Variants in FNBP1 observed in about 807,000 individuals in gnomAD.
FNBP1 encodes the protein formin-binding protein 1.
In FNBP1, 26 loss-of-function variants were observed where a neutral mutation model predicts 90.6. That is an observed-to-expected ratio of 0.29 (90% CI 0.21 to 0.40). The LOEUF is 0.40. Among genes scored for constraint, FNBP1 ranks in the 10% least tolerant of loss-of-function variants. The pLI, the probability that FNBP1 is intolerant of heterozygous loss-of-function variation, is 1.00. For synonymous variants in FNBP1, 260 were observed against 265.2 expected, an observed-to-expected ratio of 0.98 and a Z score of 0.19; for missense variants, 635 against 768.0, an observed-to-expected ratio of 0.83 and a Z score of 2.05.
intron 10 of FNBP1, among the ~76,000 whole-genome samples, chr9:129,920,076 A>G (rs1055610118): frequency 6.6e-6 from 1 of 152,362 alleles, no homozygotes; most frequent in East Asian, 1.9e-4. Context: ...TGAGGGAAGC[A>G]AAACTATTTC....
Position 129,888,032 on chromosome 9 carries a change from G to GCAA in FNBP1, c.*2504_*2506dup. 1 of 232,824 alleles carries GCAA rather than the reference G, an allele frequency of 4.3e-6. No homozygotes were observed. The allele number at this position is 232,824 out of a possible 1,614,324, so 14.4% of individuals were successfully genotyped here. On this transcript the variant is annotated 3_prime_UTR_variant, in exon 17 of 17. Coordinates refer to ENST00000446176, the MANE Select transcript of FNBP1 (RefSeq NM_015033.3). ...TGGAGCCACGCAGACTGGCCCGGAA[G>GCAA]CAACACCCAGGTTCAACATTTAAGA... is the stretch of plus-strand genomic sequence containing the variant.
Position 129,929,693 on chromosome 9 carries a change from G to A in FNBP1, c.516C>T (p.Ala172=), listed in dbSNP as rs774983909. ...INVTKADVEK[A]RQQAQIRHQM... ...GGTGACGTATTTGAGCTTGTTGTCGGGCCTTAGGGCAAAAACAAGAATACT... is the reference window on the plus strand; with the variant it reads ...GGTGACGTATTTGAGCTTGTTGTCGAGCCTTAGGGCAAAAACAAGAATACT... The change falls in exon 7 of 17, where the codon GCC becomes GCT. Residue 172 remains alanine, a splice_region_variant and synonymous_variant. Coordinates refer to ENST00000446176, the MANE Select transcript of FNBP1 (RefSeq NM_015033.3). The A allele has an allele frequency of 1.9e-6, 3 of 1,613,860 alleles. No homozygotes were observed. Among genetic ancestry groups the A allele is most frequent in the Middle Eastern group, 1.6e-4 (1 of 6,062 alleles).
At chr9:130,022,898 G>A (rs1300648858) in intron 1 of FNBP1, among the ~76,000 whole-genome samples, 1 of 152,138 alleles carries the variant, frequency 6.6e-6, no homozygotes, top group East Asian at 1.9e-4. Context: ...TGTAATCCCA[G>A]CACTTCAGGA....
intron 6 of FNBP1, among the ~76,000 whole-genome samples, chr9:129,944,664 T>C (rs556668988): frequency 6.6e-6 from 1 of 151,960 alleles, no homozygotes; most frequent in South Asian, 2.1e-4. Context: ...TCAATTGCAG[T>C]TCAAAAATAG....
rs116206624 is a variant in FNBP1, at chr9:129,936,845, C to T, written c.514-7150G>A. On this transcript the variant is annotated intron_variant, in intron 6 of 16. Coordinates refer to ENST00000446176, the MANE Select transcript of FNBP1 (RefSeq NM_015033.3). ...GTTGGAAATCCCTGAAAATCCTATT[C>T]GTATTTCTCTAGGATTTGTCAATGG... 9.2e-3 allele frequency among the ~76,000 whole-genome samples: 1,401 copies of T among 152,194 alleles called. 21 individuals are homozygous for T. Among genetic ancestry groups the T allele is most frequent in the African/African-American group, 0.032 (1,326 of 41,532 alleles).
rs4837426 is a variant in FNBP1, at chr9:129,890,244, A to G, written c.*295T>C. The G allele has an allele frequency of 1, 498,276 of 498,728 alleles. 248,913 individuals are homozygous for G. Among genetic ancestry groups the G allele is most frequent in the East Asian group, 1 (30,088 of 30,088 alleles). The allele number at this position is 498,728 out of a possible 1,614,324, so 30.9% of individuals were successfully genotyped here. Reference sequence around the variant, plus strand: ...ACTGAGGGCCCAGGAAGGAGCAGGTAGGGGCGTGTGTCCCACCGTCTCAGT... The same window carrying G: ...ACTGAGGGCCCAGGAAGGAGCAGGTGGGGGCGTGTGTCCCACCGTCTCAGT... On this transcript the variant is annotated 3_prime_UTR_variant, in exon 17 of 17. Coordinates refer to ENST00000446176, the MANE Select transcript of FNBP1 (RefSeq NM_015033.3). The surrounding 1 kb of genome is among the most constrained non-coding windows in gnomAD (Gnocchi z 5.8).
chr9:130,011,951 C>T (rs1027901114), intron 1 of FNBP1, among the ~76,000 whole-genome samples: 1 of 151,976 alleles, frequency 6.6e-6, no homozygotes, highest in Admixed American at 6.6e-5. Context: ...ATAGCCAAAA[C>T]ACTCTTGAAG....
intron 1 of FNBP1, among the ~76,000 whole-genome samples, chr9:130,009,290 C>T (rs1379479808): frequency 6.6e-6 from 1 of 152,206 alleles, no homozygotes; most frequent in Non-Finnish European, 1.5e-5. Flanking sequence ...CTCAACCCCA[C>T]TGCCATAGTT....
intron 2 of FNBP1, among the ~76,000 whole-genome samples, chr9:129,988,023 G>GT (rs1177048850): frequency 6.6e-6 from 1 of 152,042 alleles, no homozygotes; most frequent in Non-Finnish European, 1.5e-5. Flanking sequence ...TGGCTCAAAT[G>GT]TATCAAAAGA....
chr9:130,021,765 C>A (rs2057851687), intron 1 of FNBP1, among the ~76,000 whole-genome samples: 1 of 152,174 alleles, frequency 6.6e-6, no homozygotes, highest in African/African-American at 2.4e-5. Flanking sequence ...TTGTTTTATA[C>A]AGCATTTGCA....
intron 6 of FNBP1, among the ~76,000 whole-genome samples, chr9:129,930,857 T>A (rs923475327): frequency 1.3e-5 from 2 of 152,182 alleles, no homozygotes; most frequent in African/African-American, 4.8e-5. Flanking sequence ...TCCTGCCAGA[T>A]GAAGATAGGG....
At position 129,966,235 on chromosome 9, in the gene FNBP1, A is replaced by G. The variant is rs1457372975; in HGVS notation, c.346-7682T>C. 6.6e-6 allele frequency among the ~76,000 whole-genome samples: 1 copy of G among 152,230 alleles called. No individual in the cohort carries two copies. Among genetic ancestry groups the G allele is most frequent in the Non-Finnish European group, 1.5e-5 (1 of 68,036 alleles). ...TTGCATAAAACGTGGGAGTGAACTT[A>G]CAAGGGTCTGAGGAATACCCTCCAA... On this transcript the variant is annotated intron_variant, in intron 4 of 16. Coordinates refer to ENST00000446176, the MANE Select transcript of FNBP1 (RefSeq NM_015033.3). This position sits in a 1 kb window ranked among gnomAD's most constrained non-coding sequence, Gnocchi z 4.3.
At chr9:129,947,353 T>C (rs1483273859) in intron 6 of FNBP1, among the ~76,000 whole-genome samples, 2 of 149,904 alleles carry the variant, frequency 1.3e-5, no homozygotes, top group Admixed American at 6.7e-5. Context: ...GAAAGGAGAA[T>C]TGCTTGAACC....
At chr9:130,020,786 G>A (rs899537460) in intron 1 of FNBP1, among the ~76,000 whole-genome samples, 18 of 152,084 alleles carry the variant, frequency 1.2e-4, no homozygotes, top group African/African-American at 4.1e-4. Context: ...GTTAACATTC[G>A]AGAACTTTGA....
intron 10 of FNBP1, chr9:129,919,385 T>A: frequency 2.8e-6 from 1 of 355,820 alleles, no homozygotes; most frequent in Non-Finnish European, 5.5e-6. Context: ...CTCTAAAATA[T>A]GAAAAACGTA....
chr9:129,900,003 G>A lies in FNBP1; in HGVS notation c.1649C>T (p.Pro550Leu). 1 of 1,613,052 alleles carries A rather than the reference G, an allele frequency of 6.2e-7. No individual in the cohort carries two copies. Among genetic ancestry groups the A allele is most frequent in the South Asian group, 1.1e-5 (1 of 90,910 alleles). Reference sequence around the variant, plus strand: ...GAGAGCTTTGCACGTCCCTATGGCAGGGAGGGGCTCCTCATCATCAAACTC... The same window carrying A: ...GAGAGCTTTGCACGTCCCTATGGCAAGGAGGGGCTCCTCATCATCAAACTC... The part of the protein sequence containing the change: ...DDEFDDEEPL[P>L]AIGTCKALYT... Residue 550 changes from proline (P) to leucine (L), a missense_variant, in exon 15 of 17, where the codon CCT becomes CTT. Pro to Leu is a moderately conservative substitution (Grantham distance 98). Coordinates refer to ENST00000446176, the MANE Select transcript of FNBP1 (RefSeq NM_015033.3). The surrounding 1 kb of genome is among the most constrained non-coding windows in gnomAD (Gnocchi z 4.1).
intron 2 of FNBP1, among the ~76,000 whole-genome samples, chr9:129,985,263 G>A (rs180972507): frequency 1.3e-5 from 2 of 150,950 alleles, no homozygotes; most frequent in South Asian, 2.1e-4. Context: ...GCACTGGTGC[G>A]GCTCACGTTA....
Position 129,979,302 on chromosome 9 carries a change from T to C in FNBP1, c.197+16A>G, listed in dbSNP as rs1326068829. ...GCATGTGTCTATTACAAGACAATTT[T>C]CAATGGTAAACATACTTGTATTCTT... On this transcript the variant is annotated intron_variant, in intron 3 of 16. Coordinates refer to ENST00000446176, the MANE Select transcript of FNBP1 (RefSeq NM_015033.3). 2 of 1,541,594 alleles carry C rather than the reference T, an allele frequency of 1.3e-6. No homozygotes were observed. Among genetic ancestry groups the C allele is most frequent in the Non-Finnish European group, 1.8e-6 (2 of 1,117,042 alleles).
In FNBP1 at chr9:130,031,701, G is replaced by A. The variant is rs758601407; in HGVS notation, c.24+11251C>T. ...TTTTGACAGGGAGTCTCGCTCTGTT[G>A]CCCAGGCTGGAGTGCAGTGGCACAA... On this transcript the variant is annotated intron_variant, in intron 1 of 16. Coordinates refer to ENST00000446176, the MANE Select transcript of FNBP1 (RefSeq NM_015033.3). The surrounding 1 kb of genome is among the most constrained non-coding windows in gnomAD (Gnocchi z 4.2). 2.0e-5 allele frequency among the ~76,000 whole-genome samples: 3 copies of A among 151,742 alleles called. No homozygotes were observed. Among genetic ancestry groups the A allele is most frequent in the Non-Finnish European group, 4.4e-5 (3 of 67,926 alleles).
Sources: gnomAD v4.1 joint callset for allele counts (sites outside exome capture counted in the v4.1 genomes callset) on GRCh38, gnomAD v4.1.1 for gene constraint, Gnocchi (gnomAD v3.1) non-coding constraint, MANE v1.5 for transcripts, NCBI Gene and HGNC (gene_info 2026-07-23, HGNC 2026-07-21) for gene names.